GAS6: variants seen among roughly 807,000 people sequenced by gnomAD.
GAS6 encodes growth arrest specific 6.
GAS6 carries 41 observed loss-of-function variants against 75.8 expected under a neutral mutation model. The observed-to-expected ratio is 0.54, with a 90% CI of 0.42 to 0.70. GAS6 has a LOEUF of 0.70. Ranked by LOEUF, GAS6 falls within the 30% of genes least tolerant of loss-of-function variation. GAS6 has a pLI of 0.00. For missense variants in GAS6, 854 were observed against 940.2 expected (o/e 0.91, Z 1.20); for synonymous variants, 432 against 412.6 (o/e 1.05, Z -0.57).
chr13:113,834,622 G>T lies in GAS6; in HGVS notation c.763C>A (p.Pro255Thr). The T allele has an allele frequency of 6.2e-7, 1 of 1,608,240 alleles. No individual in the cohort carries two copies. The highest frequency in any genetic ancestry group is 1.1e-5 in the South Asian group (1 of 90,614). ...TCACAGTGGCAGGTGTAGCTCCCTG[G>T]GGAGTTCACGCAGACCTGCTCACAG... ...GRCEQVCVNS[P>T]GSYTCHCDGR... The change falls in exon 8 of 15, where the codon CCA becomes ACA. Residue 255 changes from proline to threonine, a missense_variant. By Grantham distance (38) the Pro-to-Thr change is conservative (BLOSUM62 -1). Coordinates refer to ENST00000327773, the MANE Select transcript of GAS6 (RefSeq NM_000820.4).
intron 8 of GAS6, 45 bp downstream of exon 8, chr13:113,834,506 C>T (rs771049951): frequency 2.3e-5 from 33 of 1,459,690 alleles, no homozygotes; most frequent in Admixed American, 8.2e-5. Flanking sequence ...CGGCGAGGGC[C>T]CCCGGAACCA....
chr13:113,822,509 G>T (rs1001085316), intron 13 of GAS6: 16 of 256,406 alleles, frequency 6.2e-5, no homozygotes, highest in Non-Finnish European at 5.9e-5. Flanking sequence ...ACTTGACCAG[G>T]AACTGGGGTG....
At chr13:113,862,667 G>C (rs2051981650) in intron 2 of GAS6, among the ~76,000 whole-genome samples, 1 of 152,224 alleles carries the variant, frequency 6.6e-6, no homozygotes, top group Admixed American at 6.5e-5. Flanking sequence ...GCAGATCTAA[G>C]AGGGGTCAAG....
At position 113,835,538 on chromosome 13, in the gene GAS6, G is replaced by A. The variant is rs1446818004; in HGVS notation, c.687C>T (p.Tyr229=). 3.7e-6 allele frequency: 6 copies of A among 1,612,606 alleles called. No homozygotes were observed. Among genetic ancestry groups the A allele is most frequent in the Non-Finnish European group, 5.1e-6 (6 of 1,179,872 alleles). ...CTCGGCAAGCCTTCTCCTGGGAGCTGTACGCAAAGCCCTCGTCACAGAGGC... is the reference window on the plus strand; with the variant it reads ...CTCGGCAAGCCTTCTCCTGGGAGCTATACGCAAAGCCCTCGTCACAGAGGC... ...YSCLCDEGFA[Y]SSQEKACRDV... The change falls in exon 7 of 15, where the codon TAC becomes TAT. Residue 229 remains tyrosine, a synonymous_variant. Coordinates refer to ENST00000327773, the MANE Select transcript of GAS6 (RefSeq NM_000820.4).
At position 113,820,849 on chromosome 13, in the gene GAS6, G is replaced by C; in HGVS notation, c.*15C>G. ...TCGGACAGAGACTGAGAAGCCTGCC[G>C]CGTCCCGTGGGGGCCTAGGCTGCGG... On this transcript the variant is annotated 3_prime_UTR_variant, in exon 15 of 15. Transcript: ENST00000327773. The C allele has an allele frequency of 6.2e-7, 1 of 1,606,238 alleles. No homozygotes were observed. Among genetic ancestry groups the C allele is most frequent in the South Asian group, 1.1e-5 (1 of 90,886 alleles).
At chr13:113,852,559 C>T (rs1339162403) in intron 2 of GAS6, among the ~76,000 whole-genome samples, 4 of 152,228 alleles carry the variant, frequency 2.6e-5, no homozygotes, top group African/African-American at 7.2e-5. Flanking sequence ...ATGCCACCTC[C>T]GGACCCTGGC....
intron 14 of GAS6, 49 bp downstream of exon 14, chr13:113,821,909 G>A (rs1317990234): frequency 7.0e-7 from 1 of 1,420,512 alleles, no homozygotes; most frequent in East Asian, 2.5e-5. Flanking sequence ...ACCAAGCTGG[G>A]CCTCCCTGGA....
chr13:113,850,567 C>T (rs1411602774), intron 2 of GAS6, among the ~76,000 whole-genome samples: 1 of 152,134 alleles, frequency 6.6e-6, no homozygotes, highest in African/African-American at 2.4e-5. Context: ...GTGAGCAAAC[C>T]CCAAGCCACT....
Position 113,863,542 on chromosome 13 carries a change from G to C in GAS6, c.255+33C>G. On this transcript the variant is annotated intron_variant, in intron 2 of 14. Transcript: ENST00000327773. The surrounding 1 kb of genome is among the most constrained non-coding windows in gnomAD (Gnocchi z 9.4). ...CGGTTGGAGGCGCGCGGGCGCCAGG[G>C]GTTCCCCCGCATCCCGCCCGCCGGC... 6.7e-7 allele frequency: 1 copy of C among 1,492,138 alleles called. No homozygotes were observed. Among genetic ancestry groups the C allele is most frequent in the East Asian group, 2.9e-5 (1 of 34,494 alleles). 92.4% of individuals were successfully genotyped at this position (1,492,138 alleles called of 1,614,324 possible). A position where few individuals can be genotyped will look rare whatever the true frequency, so the allele number is the denominator to read the frequency against.
intron 11 of GAS6, among the ~76,000 whole-genome samples, chr13:113,828,090 C>T (rs1011798546): frequency 5.3e-5 from 8 of 152,042 alleles, no homozygotes; most frequent in Admixed American, 2.0e-4. Flanking sequence ...GGCGAAACCC[C>T]GTCTCTACTA....
At chr13:113,859,726 G>A (rs1434536910) in intron 2 of GAS6, among the ~76,000 whole-genome samples, 7 of 149,936 alleles carry the variant, frequency 4.7e-5, no homozygotes. Context: ...GCACCTATCT[G>A]TGCTGGTGTC....
intron 10 of GAS6, among the ~76,000 whole-genome samples, chr13:113,831,737 G>A (rs1019836335): frequency 3.3e-5 from 5 of 151,884 alleles, no homozygotes; most frequent in South Asian, 2.1e-4. Context: ...TGAACTAAAC[G>A]GGGCAGGGGT....
chr13:113,849,952 C>T (rs1178505474), intron 2 of GAS6, among the ~76,000 whole-genome samples: 1 of 152,226 alleles, frequency 6.6e-6, no homozygotes, highest in African/African-American at 2.4e-5. Context: ...AAACGCTATA[C>T]ACTCCTGAGA....
intron 8 of GAS6, among the ~76,000 whole-genome samples, chr13:113,834,052 C>T (rs1383907541): frequency 7.3e-6 from 1 of 137,184 alleles, no homozygotes; most frequent in Non-Finnish European, 1.5e-5. Flanking sequence ...CTGTGATAGG[C>T]CCCGGTGTGA....
chr13:113,835,174 GGAAA>G (rs993201376), intron 7 of GAS6, among the ~76,000 whole-genome samples: 3 of 152,256 alleles, frequency 2.0e-5, no homozygotes, highest in African/African-American at 4.8e-5. Flanking sequence ...CATGGCGGCT[GGAAA>G]GAGAGAACAG....
chr13:113,826,312 C>T (rs74658599), intron 12 of GAS6, among the ~76,000 whole-genome samples: 3,784 of 152,308 alleles, frequency 0.025, 170 homozygotes, highest in African/African-American at 0.086. Flanking sequence ...TTCTCTGTGC[C>T]CCTGGACGAG....
In GAS6 at chr13:113,845,530, G is replaced by C. The variant is rs1451655463; in HGVS notation, c.343+997C>G. On this transcript the variant is annotated intron_variant, in intron 4 of 14. Transcript: ENST00000327773. The surrounding 1 kb of genome is among the most constrained non-coding windows in gnomAD (Gnocchi z 4.3). ...CTGAAGGTATGTTAAAATTCATACAGGACACCCAAAACAATCAATCTTATT... is the reference window on the plus strand; with the variant it reads ...CTGAAGGTATGTTAAAATTCATACACGACACCCAAAACAATCAATCTTATT... The C allele has an allele frequency of 6.7e-6, 1 of 150,046 alleles. No individual in the cohort carries two copies. The highest frequency in any genetic ancestry group is 1.9e-4 in the East Asian group (1 of 5,192). The allele number at this position is 150,046 out of a possible 1,614,324, so 9.3% of individuals were successfully genotyped here.
intron 2 of GAS6, among the ~76,000 whole-genome samples, chr13:113,855,800 C>A (rs1330813190): frequency 6.6e-6 from 1 of 152,198 alleles, no homozygotes; most frequent in East Asian, 1.9e-4. Context: ...ATCACAGATG[C>A]CCTGGCAGCT....
At position 113,844,020 on chromosome 13, in the gene GAS6, C is replaced by T. The variant is rs1377344288; in HGVS notation, c.343+2507G>A. 1 of 150,850 alleles carries T rather than the reference C, an allele frequency of 6.6e-6. No homozygotes were observed. Among genetic ancestry groups the T allele is most frequent in the African/African-American group, 2.5e-5 (1 of 40,162 alleles). The allele number at this position is 150,850 out of a possible 1,614,324, so 9.3% of individuals were successfully genotyped here. A position where few individuals can be genotyped will look rare whatever the true frequency, so the allele number is the denominator to read the frequency against. ...CCAAAGCACCTTCTTCACCGCCAGG[C>T]ATCTTTTGAGGCACGCGAACATCAG... On this transcript the variant is annotated intron_variant, in intron 4 of 14. Transcript: ENST00000327773. This position sits in a 1 kb window ranked among gnomAD's most constrained non-coding sequence, Gnocchi z 5.7.
Sources: gnomAD v4.1 joint callset for allele counts (sites outside exome capture counted in the v4.1 genomes callset) on GRCh38, gnomAD v4.1.1 for gene constraint, Gnocchi (gnomAD v3.1) non-coding constraint, MANE v1.5 for transcripts, NCBI Gene and HGNC (gene_info 2026-07-23, HGNC 2026-07-21) for gene names.